The following C7orf57 variants were observed in gnomAD, a reference collection of about 807,000 sequenced individuals.
C7orf57 encodes the protein chromosome 7 open reading frame 57.
C7orf57 carries 33 observed loss-of-function variants against 39.0 expected under a neutral mutation model. That is an observed-to-expected ratio of 0.85 (90% CI 0.64 to 1.13). C7orf57 has a LOEUF of 1.13. Ranked by LOEUF, C7orf57 falls within the 50% of genes most tolerant of loss-of-function variation. The pLI is 0.00. For missense variants in C7orf57, 346 were observed against 362.3 expected (o/e 0.95, Z 0.37); for synonymous variants, 124 against 137.1 (o/e 0.90, Z 0.67).
intron 2 of C7orf57, 102 bp downstream of exon 2, chr7:48,036,465 G>A (rs972006224): frequency 1.1e-5 from 13 of 1,148,342 alleles, no homozygotes; most frequent in Non-Finnish European, 1.3e-5. Context: ...GGGCTGGAGG[G>A]GGGTGTGAAC....
chr7:48,058,206 C>A (rs540431677), intron 8 of C7orf57, among the ~76,000 whole-genome samples: 1 of 152,140 alleles, frequency 6.6e-6, no homozygotes, highest in Non-Finnish European at 1.5e-5. Flanking sequence ...ATGCTGGCCT[C>A]ATAAAATGAG....
intron 1 of C7orf57, 41 bp from the exon 2 acceptor site, chr7:48,036,167 C>T: frequency 1.2e-6 from 1 of 821,080 alleles, no homozygotes; most frequent in Non-Finnish European, 2.1e-6. Context: ...GCGAGGCGTA[C>T]AGACCGACCC....
intron 3 of C7orf57, 46 bp from the exon 4 acceptor site, chr7:48,043,435 T>G: frequency 7.0e-7 from 1 of 1,435,540 alleles, no homozygotes; most frequent in African/African-American, 1.4e-5. Flanking sequence ...TGCGTCTGTG[T>G]AGGGGCGGCG....
At position 48,058,448 on chromosome 7, in the gene C7orf57, G is replaced by A. The variant is rs1791192239; in HGVS notation, c.842-1778G>A. Among the ~76,000 whole-genome samples, 3 of 151,828 alleles carry A rather than the reference G, an allele frequency of 2.0e-5. No homozygotes were observed. In the South Asian group the frequency reaches 6.3e-4, roughly 32 times the overall value. On this transcript the variant is annotated intron_variant, in intron 8 of 8. Transcript: ENST00000348904. ...AGCTTTGGTGGATTGTATGATTCTA[G>A]GAATGTATCCATTTCCTCTAGACTA... is the stretch of plus-strand genomic sequence containing the variant.
Position 48,061,179 on chromosome 7 carries a change from T to G in C7orf57, c.*907T>G, listed in dbSNP as rs2128801441. ...CAAATTAGTTCTCTATATGAGATAC[T>G]TAATCGAGCATATATATTTATATTC... On this transcript the variant is annotated 3_prime_UTR_variant, in exon 9 of 9. Coordinates refer to ENST00000348904, the MANE Select transcript of C7orf57 (RefSeq NM_001100159.3). 6.6e-6 allele frequency: 1 copy of G among 152,342 alleles called. No individual in the cohort carries two copies. Among genetic ancestry groups the G allele is most frequent in the Admixed American group, 6.5e-5 (1 of 15,294 alleles). 9.4% of individuals were successfully genotyped at this position (152,342 alleles called of 1,614,324 possible). A position where few individuals can be genotyped will look rare whatever the true frequency, so the allele number is the denominator to read the frequency against.
rs1311420817 is a variant in C7orf57, at chr7:48,059,097, C to T, written c.842-1129C>T. Among the ~76,000 whole-genome samples the T allele has an allele frequency of 2.6e-5, 4 of 152,196 alleles. No homozygotes were observed. The East Asian group carries it at 7.7e-4, about 29-fold the overall frequency. On this transcript the variant is annotated intron_variant, in intron 8 of 8. Coordinates refer to ENST00000348904, the MANE Select transcript of C7orf57 (RefSeq NM_001100159.3). ...GGTCACTATGAAATGCCTGCTCCCA[C>T]CTCTCAGTATCTCTGATGCCAAGGC...
At chr7:48,053,791 A>G (rs1583821762) in intron 7 of C7orf57, among the ~76,000 whole-genome samples, 1 of 152,088 alleles carries the variant, frequency 6.6e-6, no homozygotes, top group Non-Finnish European at 1.5e-5. Context: ...AATTCATCTT[A>G]TTTTTTCAAC....
intron 2 of C7orf57, 127 bp from the exon 3 acceptor site, chr7:48,041,207 C>A: frequency 1.3e-6 from 1 of 765,086 alleles, no homozygotes; most frequent in Non-Finnish European, 2.0e-6. Context: ...TTCTTCCTTG[C>A]TAATGGGCTC....
chr7:48,043,907 T>C (rs1474794564), intron 4 of C7orf57, among the ~76,000 whole-genome samples: 1 of 151,852 alleles, frequency 6.6e-6, no homozygotes, highest in Non-Finnish European at 1.5e-5. Flanking sequence ...GCTTCCAAGA[T>C]GGTGGTGGGC....
chr7:48,043,728 C>A, intron 4 of C7orf57, 139 bp downstream of exon 4: 1 of 736,508 alleles, frequency 1.4e-6, no homozygotes, highest in Non-Finnish European at 2.3e-6. Context: ...TTACAATAGC[C>A]TGCTCTTTGA....
Position 48,058,351 on chromosome 7 carries a change from G to GT in C7orf57, c.842-1865dup, listed in dbSNP as rs993400716. 1.9e-3 allele frequency among the ~76,000 whole-genome samples: 278 copies of GT among 147,592 alleles called. 2 individuals are homozygous for GT. The highest frequency in any genetic ancestry group is 5.0e-3 in the African/African-American group (202 of 40,332). The stretch of plus-strand genomic sequence containing the variant: ...TGGGCTTTTCTGTGATGGGAGAGTT[G>GT]TTTTTTTTTTAACTGATTCAATCTC... On this transcript the variant is annotated intron_variant, in intron 8 of 8. Coordinates refer to ENST00000348904, the MANE Select transcript of C7orf57 (RefSeq NM_001100159.3).
At chr7:48,047,499 CA>C (rs1790751202) in intron 5 of C7orf57, among the ~76,000 whole-genome samples, 1 of 152,152 alleles carries the variant, frequency 6.6e-6, no homozygotes, top group Non-Finnish European at 1.5e-5. Context: ...GTTGCCTTAG[CA>C]TCTTGGTTTG....
chr7:48,044,091 A>C (rs550860097), intron 4 of C7orf57, among the ~76,000 whole-genome samples: 57 of 151,538 alleles, frequency 3.8e-4, no homozygotes, highest in African/African-American at 1.4e-3. Flanking sequence ...ATTAGGACGA[A>C]CCCGGGCACT....
chr7:48,043,432 G>A (rs1040018677), intron 3 of C7orf57, 49 bp from the exon 4 acceptor site: 2 of 1,411,478 alleles, frequency 1.4e-6, no homozygotes, highest in Non-Finnish European at 9.9e-7. Context: ...CTGTGCGTCT[G>A]TGTAGGGGCG....
At chr7:48,046,790 G>C (rs942111576) in intron 5 of C7orf57, among the ~76,000 whole-genome samples, 174 bp downstream of exon 5, 3 of 152,162 alleles carry the variant, frequency 2.0e-5, no homozygotes, top group African/African-American at 7.2e-5. Flanking sequence ...ACCATACTAT[G>C]GTCTTTCTTT....
chr7:48,039,963 T>C (rs1790498378), intron 2 of C7orf57, among the ~76,000 whole-genome samples: 1 of 152,184 alleles, frequency 6.6e-6, no homozygotes, highest in Non-Finnish European at 1.5e-5. Context: ...GTTTTTTTTT[T>C]CTTACATTTG....
chr7:48,037,652 T>C (rs7456745), intron 2 of C7orf57, among the ~76,000 whole-genome samples: 2 of 151,878 alleles, frequency 1.3e-5, no homozygotes, highest in Non-Finnish European at 2.9e-5. Context: ...TATATATATA[T>C]AAAAAATCTA....
At chr7:48,048,795 CT>C (rs1790790599) in intron 5 of C7orf57, among the ~76,000 whole-genome samples, 1 of 136,034 alleles carries the variant, frequency 7.4e-6, no homozygotes, top group East Asian at 2.1e-4. Flanking sequence ...TATAGTTCTT[CT>C]GGACAGTGCA....
At chr7:48,042,452 G>C (rs1014505593) in intron 3 of C7orf57, among the ~76,000 whole-genome samples, 1 of 152,150 alleles carries the variant, frequency 6.6e-6, no homozygotes, top group African/African-American at 2.4e-5. Context: ...ATCTGCTGAG[G>C]TATAGGGGGA....
Sources: allele counts gnomAD v4.1 joint callset (sites outside exome capture counted in the v4.1 genomes callset), GRCh38; gene constraint gnomAD v4.1.1; transcripts MANE v1.5; gene names NCBI Gene and HGNC (gene_info 2026-07-23, HGNC 2026-07-21).